GLIS3: variants seen among roughly 807,000 people sequenced by gnomAD.
The protein encoded by GLIS3 is GLIS family zinc finger 3, also known as zinc finger protein GLIS3.
In GLIS3, 53 loss-of-function variants were observed where a neutral mutation model predicts 78.6. The observed-to-expected ratio is 0.67, with a 90% CI of 0.54 to 0.85. The LOEUF is 0.85. GLIS3 is among the 40% of genes least tolerant of loss of function. The pLI is 0.00. For synonymous variants in GLIS3, 684 were observed against 509.9 expected (o/e 1.34, Z -4.60); for missense variants, 1,703 against 1,231.1 (o/e 1.38, Z -5.74).
chr9:3,846,697 A>G (rs1356675867), intron 9 of GLIS3, among the ~76,000 whole-genome samples: 1 of 152,212 alleles, frequency 6.6e-6, no homozygotes, highest in Non-Finnish European at 1.5e-5. Context: ...CCTCTTCCAC[A>G]GGGCTGCCAT....
intron 2 of GLIS3, among the ~76,000 whole-genome samples, chr9:4,338,102 T>G (rs1817779201): frequency 6.6e-6 from 1 of 151,672 alleles, no homozygotes; most frequent in Admixed American, 6.6e-5. Context: ...GTCCATAGCA[T>G]GACTTCTTTT....
intron 2 of GLIS3, among the ~76,000 whole-genome samples, chr9:4,279,466 A>C (rs1827355948): frequency 6.6e-6 from 1 of 151,166 alleles, no homozygotes; most frequent in African/African-American, 2.4e-5. Context: ...CAATAATATC[A>C]ACAAAGGACA....
intron 2 of GLIS3, among the ~76,000 whole-genome samples, chr9:4,218,800 C>G (rs1456819058): frequency 6.6e-6 from 1 of 152,210 alleles, no homozygotes; most frequent in Non-Finnish European, 1.5e-5. Context: ...TTCTCCTAGT[C>G]TCTCACAAGA....
At chr9:3,858,261 T>A (rs960350030) in intron 8 of GLIS3, among the ~76,000 whole-genome samples, 1 of 152,206 alleles carries the variant, frequency 6.6e-6, no homozygotes, top group Non-Finnish European at 1.5e-5. Context: ...GATGTGTGAA[T>A]GGGCAAGTCA....
At chr9:4,371,500 C>A in the GLIS3 span, among the ~76,000 whole-genome samples, 1 of 152,180 alleles carries the variant, frequency 6.6e-6, no homozygotes, top group Non-Finnish European at 1.5e-5. Flanking sequence ...GTTCACAAAT[C>A]CTGGCCCAGT....
chr9:4,247,444 C>A (rs1587134185), intron 2 of GLIS3, among the ~76,000 whole-genome samples: 1 of 152,050 alleles, frequency 6.6e-6, no homozygotes, highest in African/African-American at 2.4e-5. Context: ...AAGAATAGAT[C>A]TATAAATACA....
chr9:4,422,445 C>T, the GLIS3 span, among the ~76,000 whole-genome samples: 511 of 152,302 alleles, frequency 3.4e-3, 2 homozygotes, highest in African/African-American at 0.012. Flanking sequence ...AAAAAGAAGA[C>T]ATGGTTTCCC....
At chr9:4,189,884 G>A (rs899688649) in intron 2 of GLIS3, among the ~76,000 whole-genome samples, 8 of 151,772 alleles carry the variant, frequency 5.3e-5, no homozygotes, top group Non-Finnish European at 1.2e-4. Context: ...ATGAGCCTAT[G>A]TGTGTCTGCA....
chr9:4,428,237 G>C, the GLIS3 span, among the ~76,000 whole-genome samples: 1 of 152,000 alleles, frequency 6.6e-6, no homozygotes, highest in East Asian at 1.9e-4. Flanking sequence ...CCAGCCCTTT[G>C]GGAGGTTGAG....
At chr9:4,248,788 G>C (rs994856461) in intron 2 of GLIS3, among the ~76,000 whole-genome samples, 1 of 152,168 alleles carries the variant, frequency 6.6e-6, no homozygotes, top group Non-Finnish European at 1.5e-5. Context: ...ATTCCAACTG[G>C]CATGAGATGG....
At chr9:4,240,339 G>A (rs1439985943) in intron 2 of GLIS3, among the ~76,000 whole-genome samples, 1 of 152,126 alleles carries the variant, frequency 6.6e-6, no homozygotes, top group African/African-American at 2.4e-5. Context: ...TCTAACACCA[G>A]TGCTGATCTG....
intron 2 of GLIS3, among the ~76,000 whole-genome samples, chr9:4,278,050 T>C (rs975646772): frequency 6.6e-6 from 1 of 152,200 alleles, no homozygotes; most frequent in Non-Finnish European, 1.5e-5. Context: ...TAAACTAATT[T>C]CTATTATCTT....
intron 4 of GLIS3, among the ~76,000 whole-genome samples, chr9:4,029,297 G>A (rs1430839247): frequency 2.0e-5 from 3 of 151,670 alleles, no homozygotes; most frequent in African/African-American, 7.3e-5. Context: ...AGACCAAAAT[G>A]TGTGCTCCCC....
Position 3,860,272 on chromosome 9 carries a change from C to CAAAAAA in GLIS3, c.2298-4094_2298-4089dup, listed in dbSNP as rs59923144. On this transcript the variant is annotated intron_variant, in intron 8 of 10. Transcript: ENST00000381971. ...CCTGGGTGACAGAGCAAGACTCTGT[C>CAAAAAA]AAAAAAAAAAAAAAAAAAAAAAAAA... is the stretch of plus-strand genomic sequence containing the variant. Among the ~76,000 whole-genome samples the CAAAAAA allele has an allele frequency of 7.1e-4, 38 of 53,604 alleles. 4 individuals are homozygous for CAAAAAA. Among genetic ancestry groups the CAAAAAA allele is most frequent in the East Asian group, 3.3e-3 (5 of 1,510 alleles). 35.2% of individuals were successfully genotyped at this position (53,604 alleles called of 152,430 possible).
chr9:4,193,912 C>A (rs529066485), intron 2 of GLIS3, among the ~76,000 whole-genome samples: 3 of 152,342 alleles, frequency 2.0e-5, no homozygotes, highest in South Asian at 4.1e-4. Flanking sequence ...AACATTTTGA[C>A]CAATCATGTG....
chr9:4,139,075 G>A (rs938075699), intron 2 of GLIS3, among the ~76,000 whole-genome samples: 2 of 152,176 alleles, frequency 1.3e-5, no homozygotes, highest in African/African-American at 4.8e-5. Flanking sequence ...AGCAAACAGG[G>A]TAAAGCCCAA....
chr9:4,119,963 A>C (rs1357774553), intron 3 of GLIS3, among the ~76,000 whole-genome samples: 1 of 152,242 alleles, frequency 6.6e-6, no homozygotes, highest in African/African-American at 2.4e-5. Context: ...GGCAAGACAT[A>C]ACACGCTGTA....
At chr9:4,271,571 G>T (rs78972149) in intron 2 of GLIS3, among the ~76,000 whole-genome samples, 2 of 152,178 alleles carry the variant, frequency 1.3e-5, no homozygotes, top group African/African-American at 4.8e-5. Flanking sequence ...GCATAAGCAA[G>T]TGGCATATTC....
intron 2 of GLIS3, among the ~76,000 whole-genome samples, chr9:4,244,282 G>A (rs1380412596): frequency 1.3e-5 from 2 of 152,232 alleles, no homozygotes; most frequent in East Asian, 1.9e-4. Context: ...ACTTGGCTAG[G>A]AAGTTACTTT....
Sources: gnomAD v4.1 joint callset for allele counts (sites outside exome capture counted in the v4.1 genomes callset) on GRCh38, gnomAD v4.1.1 for gene constraint, MANE v1.5 for transcripts, NCBI Gene and HGNC (gene_info 2026-07-23, HGNC 2026-07-21) for gene names.